The following DMD variants were observed in gnomAD, a reference collection of about 807,000 sequenced individuals.
DMD encodes mutant dystrophin.
A neutral mutation model predicts 330.1 loss-of-function variants in DMD; 63 were observed. The observed-to-expected ratio is 0.19, with a 90% CI of 0.16 to 0.24. The LOEUF is 0.24. DMD is among the 10% of genes least tolerant of loss of function. The pLI is 1.00. For synonymous variants in DMD, 1,223 were observed against 959.8 expected, an observed-to-expected ratio of 1.27 and a Z score of -5.07; for missense variants, 3,344 against 2,684.1, an observed-to-expected ratio of 1.25 and a Z score of -5.43.
intron 44 of DMD, among the ~76,000 whole-genome samples, chrX:32,012,822 G>C (rs1332490677): frequency 9.0e-6 from 1 of 111,412 alleles, no homozygotes; most frequent in Non-Finnish European, 1.9e-5. Context: ...AGTAGAAAGT[G>C]GGATTGTTCT....
intron 44 of DMD, among the ~76,000 whole-genome samples, chrX:32,193,148 G>A (rs764357476): frequency 9.0e-6 from 1 of 111,094 alleles, no homozygotes; most frequent in Non-Finnish European, 1.9e-5. Context: ...CTTCTGCCAC[G>A]ACTGGAAGCT....
chrX:33,177,587 T>C (rs2049741593), intron 1 of DMD, among the ~76,000 whole-genome samples: 1 of 110,794 alleles, frequency 9.0e-6, no homozygotes, highest in African/African-American at 3.3e-5. Context: ...GGTTTCACCA[T>C]GTTGGCCAGG....
At chrX:32,116,070 G>A (rs1009958897) in intron 44 of DMD, among the ~76,000 whole-genome samples, 2 of 111,749 alleles carry the variant, frequency 1.8e-5, no homozygotes, top group Admixed American at 9.5e-5. Flanking sequence ...GCAAGATCCC[G>A]TGTGATCTTG....
intron 7 of DMD, among the ~76,000 whole-genome samples, chrX:32,739,380 G>T (rs2068940016): frequency 9.0e-6 from 1 of 111,263 alleles, no homozygotes; most frequent in Non-Finnish European, 1.9e-5. Flanking sequence ...ATTCATTTTG[G>T]GTAAATTTCT....
chrX:31,704,038 T>C (rs2084001720), intron 52 of DMD, among the ~76,000 whole-genome samples: 1 of 112,139 alleles, frequency 8.9e-6, no homozygotes, highest in African/African-American at 3.2e-5. Context: ...ATGAATGTTA[T>C]AGTAAATGAT....
chrX:31,280,295 C>T (rs2052514319), intron 62 of DMD, among the ~76,000 whole-genome samples: 1 of 112,057 alleles, frequency 8.9e-6, no homozygotes, highest in Non-Finnish European at 1.9e-5. Flanking sequence ...TTCATAATAT[C>T]CTCAAGCTGG....
Position 32,931,123 on chromosome X carries a change from C to T in DMD, c.94-81303G>A, listed in dbSNP as rs189228464. ...ATATGATTCATATATTATATGGATTCATATAGGTTTGTTAAATTAACAGTG... is the reference window on the plus strand; with the variant it reads ...ATATGATTCATATATTATATGGATTTATATAGGTTTGTTAAATTAACAGTG... On this transcript the variant is annotated intron_variant, in intron 2 of 78. Coordinates refer to ENST00000357033, the MANE Select transcript of DMD (RefSeq NM_004006.3). Among the ~76,000 whole-genome samples, 4 of 108,594 alleles carry T rather than the reference C, an allele frequency of 3.7e-5. No individual in the cohort carries two copies. In the East Asian group the frequency reaches 1.1e-3, roughly 31 times the overall value. 94.3% of individuals were successfully genotyped at this position (108,594 alleles called of 115,157 possible).
At chrX:32,481,738 C>T (rs73619100) in intron 21 of DMD, among the ~76,000 whole-genome samples, 3,252 of 111,665 alleles carry the variant, frequency 0.029, 134 homozygotes, top group African/African-American at 0.094. Flanking sequence ...CGGTTTCAGA[C>T]GCCAAAGTAA....
intron 74 of DMD, among the ~76,000 whole-genome samples, chrX:31,158,085 G>A (rs2038362580): frequency 9.0e-6 from 1 of 111,320 alleles, no homozygotes; most frequent in Admixed American, 9.6e-5. Flanking sequence ...GTTTACAGGT[G>A]TGAGCCACCA....
intron 74 of DMD, among the ~76,000 whole-genome samples, chrX:31,163,118 G>A (rs143580989): frequency 6.3e-4 from 70 of 111,558 alleles, no homozygotes; most frequent in African/African-American, 2.2e-3. Flanking sequence ...TTTGTTTTGG[G>A]GCCCATGTCA....
chrX:32,673,664 C>T (rs1039177948), intron 9 of DMD, among the ~76,000 whole-genome samples: 6 of 111,744 alleles, frequency 5.4e-5, no homozygotes, highest in Non-Finnish European at 1.1e-4. Context: ...ACTTTTGTGA[C>T]AAAGTAGACG....
intron 7 of DMD, among the ~76,000 whole-genome samples, chrX:32,713,750 T>A (rs896728333): frequency 8.9e-6 from 1 of 111,973 alleles, no homozygotes; most frequent in Non-Finnish European, 1.9e-5. Context: ...GAGAGTCGCA[T>A]ACATACATGT....
At chrX:31,685,639 A>G (rs370627052) in intron 52 of DMD, among the ~76,000 whole-genome samples, 2 of 112,374 alleles carry the variant, frequency 1.8e-5, no homozygotes. Context: ...GGGCCCATCT[A>G]TCTGCCGTTG....
At chrX:32,296,538 C>T (rs979823467) in intron 42 of DMD, among the ~76,000 whole-genome samples, 8 of 111,568 alleles carry the variant, frequency 7.2e-5, no homozygotes, top group African/African-American at 2.6e-4. Context: ...TTATTTCATA[C>T]CTAGAAATAA....
At chrX:32,143,031 T>C (rs1224403760) in intron 44 of DMD, among the ~76,000 whole-genome samples, 2 of 110,820 alleles carry the variant, frequency 1.8e-5, no homozygotes, top group Non-Finnish European at 3.8e-5. Context: ...GTTTGGAATA[T>C]CTTTACCATT....
intron 15 of DMD, among the ~76,000 whole-genome samples, chrX:32,569,804 C>T (rs1165248581): frequency 9.0e-6 from 1 of 110,654 alleles, no homozygotes; most frequent in Non-Finnish European, 1.9e-5. Context: ...ACCCTGCTTC[C>T]CCAGAGCTGT....
chrX:31,348,299 T>C, intron 61 of DMD: 1 of 381,396 alleles, frequency 2.6e-6, no homozygotes, highest in Non-Finnish European at 4.6e-6. Flanking sequence ...AAAATATTAA[T>C]ATGGTTAACA....
At chrX:32,768,243 T>C (rs1234504347) in intron 7 of DMD, among the ~76,000 whole-genome samples, 5 of 112,355 alleles carry the variant, frequency 4.5e-5, no homozygotes, top group African/African-American at 6.5e-5. Context: ...ATAACAAGAC[T>C]GAAATTAGAT....
intron 44 of DMD, among the ~76,000 whole-genome samples, chrX:32,128,712 T>A: frequency 8.9e-6 from 1 of 111,970 alleles, no homozygotes; most frequent in Middle Eastern, 4.6e-3. Context: ...ATGGGTGGTA[T>A]TTATCACCAT....
Sources: gnomAD v4.1 joint callset for allele counts (sites outside exome capture counted in the v4.1 genomes callset) on GRCh38, gnomAD v4.1.1 for gene constraint, MANE v1.5 for transcripts, NCBI Gene and HGNC (gene_info 2026-07-23, HGNC 2026-07-21) for gene names.